CDH18: variants seen among roughly 807,000 people sequenced by gnomAD.
The protein encoded by CDH18 is cadherin 18, also known as cadherin-18.
Under a neutral mutation model 67.9 loss-of-function variants are expected in CDH18, and 31 were observed. That is an observed-to-expected ratio of 0.46 (90% CI 0.34 to 0.62). The LOEUF (loss-of-function observed/expected upper bound fraction) is 0.62, where lower values mean the gene tolerates loss of function less well. CDH18 is among the 20% of genes least tolerant of loss of function. CDH18 has a pLI of 0.01. For missense variants in CDH18, 890 were observed against 975.5 expected (o/e 0.91, Z 1.17); for synonymous variants, 362 against 347.2 (o/e 1.04, Z -0.48).
At chr5:19,568,327 T>G (rs975536709) in intron 8 of CDH18, among the ~76,000 whole-genome samples, 1 of 152,156 alleles carries the variant, frequency 6.6e-6, no homozygotes, top group Non-Finnish European at 1.5e-5. Flanking sequence ...TATGAGGTCA[T>G]GAAAATGGAA....
At chr5:20,147,472 T>C (rs1222834184) in intron 2 of CDH18, among the ~76,000 whole-genome samples, 1 of 152,116 alleles carries the variant, frequency 6.6e-6, no homozygotes, top group Non-Finnish European at 1.5e-5. Flanking sequence ...TAACAGATAA[T>C]TTAAAAATTA....
Position 19,953,593 on chromosome 5 carries a change from G to C in CDH18, c.-257+27467C>G, listed in dbSNP as rs143404418. On this transcript the variant is annotated intron_variant, in intron 2 of 12. Coordinates refer to ENST00000382275, the MANE Select transcript of CDH18 (RefSeq NM_004934.5). ...TTACAGACAAGACTTAAAAAGTAAT[G>C]AATATCAAATACATGTTTATCTGCC... Among the ~76,000 whole-genome samples, 223 of 152,128 alleles carry C rather than the reference G, an allele frequency of 1.5e-3. 1 individual carries two copies. The highest frequency in any genetic ancestry group is 2.9e-3 in the Non-Finnish European group (196 of 67,924).
At chr5:20,492,141 G>A (rs1753630114) in intron 1 of CDH18, among the ~76,000 whole-genome samples, 1 of 151,740 alleles carries the variant, frequency 6.6e-6, no homozygotes, top group African/African-American at 2.4e-5. Context: ...CTCCCTTTTG[G>A]GGTATAATCT....
chr5:19,715,290 A>G (rs1765207028), intron 5 of CDH18, among the ~76,000 whole-genome samples: 2 of 152,072 alleles, frequency 1.3e-5, no homozygotes, highest in African/African-American at 2.4e-5. Flanking sequence ...ATGTTGAAAA[A>G]CCTTGTTTTC....
At chr5:20,038,961 A>G (rs796187575) in intron 2 of CDH18, among the ~76,000 whole-genome samples, 69 of 152,320 alleles carry the variant, frequency 4.5e-4, no homozygotes, top group African/African-American at 1.5e-3. Context: ...TTTCAGCCCA[A>G]AATCTCCTTA....
chr5:20,481,314 C>T (rs541900645), intron 1 of CDH18, among the ~76,000 whole-genome samples: 52 of 151,646 alleles, frequency 3.4e-4, no homozygotes, highest in Non-Finnish European at 6.5e-4. Context: ...AGTCAAAATC[C>T]GAGGACTCAG....
chr5:20,214,393 G>A (rs56705363), intron 2 of CDH18, among the ~76,000 whole-genome samples: 3,587 of 152,008 alleles, frequency 0.024, 147 homozygotes, highest in African/African-American at 0.081. Context: ...GCAGTCCTAC[G>A]CAAAGACAAC....
intron 5 of CDH18, among the ~76,000 whole-genome samples, chr5:19,682,020 T>C (rs927018289): frequency 1.3e-5 from 2 of 152,084 alleles, no homozygotes; most frequent in African/African-American, 4.8e-5. Context: ...GATTGAGTCC[T>C]AGAAGAGGTG....
At chr5:20,225,666 G>C (rs973183083) in intron 2 of CDH18, among the ~76,000 whole-genome samples, 5 of 152,072 alleles carry the variant, frequency 3.3e-5, no homozygotes, top group African/African-American at 1.2e-4. Context: ...GAAGTTAGTA[G>C]GGATTCGTTA....
chr5:20,158,155 T>C (rs1202480644), intron 2 of CDH18, among the ~76,000 whole-genome samples: 1 of 152,216 alleles, frequency 6.6e-6, no homozygotes, highest in Non-Finnish European at 1.5e-5. Flanking sequence ...ATGTCTTAAA[T>C]AATTTTAATA....
chr5:20,348,073 GA>G (rs2150053034), intron 1 of CDH18, among the ~76,000 whole-genome samples: 1 of 152,182 alleles, frequency 6.6e-6, no homozygotes, highest in African/African-American at 2.4e-5. Flanking sequence ...CTCTTTTCTT[GA>G]AAAATAATGC....
intron 5 of CDH18, among the ~76,000 whole-genome samples, chr5:19,627,858 A>T (rs1312019057): frequency 6.6e-6 from 1 of 152,152 alleles, no homozygotes; most frequent in Non-Finnish European, 1.5e-5. Flanking sequence ...ATCTAAGGTA[A>T]AAGTAACAGA....
chr5:20,049,874 G>C, intron 2 of CDH18, among the ~76,000 whole-genome samples: 1 of 148,354 alleles, frequency 6.7e-6, no homozygotes, highest in African/African-American at 2.6e-5. Context: ...AAAATTACAA[G>C]ATGACCAAGA....
At chr5:19,724,034 A>C (rs1159646507) in intron 4 of CDH18, among the ~76,000 whole-genome samples, 1 of 152,114 alleles carries the variant, frequency 6.6e-6, no homozygotes, top group African/African-American at 2.4e-5. Flanking sequence ...AATAAATAAA[A>C]ACTGATGTTC....
intron 2 of CDH18, among the ~76,000 whole-genome samples, chr5:19,940,574 A>T (rs1224160904): frequency 6.6e-6 from 1 of 151,854 alleles, no homozygotes; most frequent in Non-Finnish European, 1.5e-5. Context: ...TATTCACACA[A>T]TTTTTTTTCA....
At chr5:19,481,861 G>A (rs541785092) in intron 12 of CDH18, among the ~76,000 whole-genome samples, 64 of 152,102 alleles carry the variant, frequency 4.2e-4, no homozygotes, top group South Asian at 1.0e-3. Flanking sequence ...AGGCTGCTAA[G>A]AGAAAGAAAA....
intron 1 of CDH18, among the ~76,000 whole-genome samples, chr5:20,507,470 T>C (rs552766110): frequency 1.3e-5 from 2 of 152,264 alleles, no homozygotes; most frequent in Admixed American, 6.5e-5. Flanking sequence ...AATAAAATAT[T>C]TGGATAGAGA....
chr5:19,815,046 C>G (rs1325084555), intron 3 of CDH18, among the ~76,000 whole-genome samples: 1 of 152,008 alleles, frequency 6.6e-6, no homozygotes, highest in Non-Finnish European at 1.5e-5. Context: ...AATAAAATAT[C>G]ACTTATTCTC....
rs180905505 is a variant in CDH18 at position 19,612,647 on chromosome 5, C to A, written c.644-46G>T. On this transcript the variant is annotated intron_variant, in intron 5 of 12. Coordinates refer to ENST00000382275, the MANE Select transcript of CDH18 (RefSeq NM_004934.5). The stretch of plus-strand genomic sequence containing the variant: ...TAAACAGTATGAGCTATATAATAAG[C>A]AAGTATCAACAAACATACACATACA... 18 of 1,365,946 alleles carry A rather than the reference C, an allele frequency of 1.3e-5. No homozygotes were observed. In the Admixed American group the frequency reaches 2.0e-4, roughly 15 times the overall value. 84.6% of individuals were successfully genotyped at this position (1,365,946 alleles called of 1,614,324 possible).
Sources: allele counts gnomAD v4.1 joint callset (sites outside exome capture counted in the v4.1 genomes callset), GRCh38; gene constraint gnomAD v4.1.1; transcripts MANE v1.5; gene names NCBI Gene and HGNC (gene_info 2026-07-23, HGNC 2026-07-21).